SETD5: variants seen among roughly 807,000 people sequenced by gnomAD.
SETD5 encodes the protein histone-lysine N-methyltransferase SETD5.
SETD5 carries 44 observed loss-of-function variants against 153.3 expected under a neutral mutation model. That is an observed-to-expected ratio of 0.29 (90% CI 0.23 to 0.37). The LOEUF (loss-of-function observed/expected upper bound fraction) is 0.37, where lower values mean the gene tolerates loss of function less well. Among genes scored for constraint, SETD5 ranks in the 10% least tolerant of loss-of-function variants. SETD5 has a pLI of 1.00. For synonymous variants in SETD5, 716 were observed against 645.2 expected (o/e 1.11, Z -1.66); for missense variants, 1,544 against 1,768.0 (o/e 0.87, Z 2.27).
intron 3 of SETD5, chr3:9,430,420 T>G: frequency 3.6e-6 from 3 of 831,230 alleles, no homozygotes; most frequent in South Asian, 1.1e-4. Flanking sequence ...CTTCTAGAGC[T>G]TTTTTCTTCT....
chr3:9,445,976 T>TG (rs1323976768), intron 13 of SETD5, among the ~76,000 whole-genome samples: 6 of 147,202 alleles, frequency 4.1e-5, no homozygotes, highest in Admixed American at 2.7e-4. Flanking sequence ...TTTTTTTTTT[T>TG]TTTTTTTTTT....
intron 1 of SETD5, among the ~76,000 whole-genome samples, chr3:9,402,344 T>A (rs567740787): frequency 1.3e-5 from 2 of 152,328 alleles, no homozygotes; most frequent in South Asian, 4.1e-4. Context: ...CTGCTTTATA[T>A]GTGCCCTCAC....
intron 1 of SETD5, among the ~76,000 whole-genome samples, chr3:9,407,573 G>A (rs952853378): frequency 1.3e-5 from 2 of 152,086 alleles, no homozygotes; most frequent in East Asian, 1.9e-4. Context: ...GCCAGCCAAG[G>A]GAGATGAAAA....
intron 22 of SETD5, 106 bp from the exon 23 acceptor site, chr3:9,475,377 C>T: frequency 6.8e-7 from 1 of 1,464,626 alleles, no homozygotes; most frequent in Non-Finnish European, 9.1e-7. Flanking sequence ...AAAAAGAATA[C>T]ATGGTTAAAA....
intron 3 of SETD5, chr3:9,431,217 T>G: frequency 1.0e-6 from 1 of 985,448 alleles, no homozygotes; most frequent in Non-Finnish European, 1.2e-6. Flanking sequence ...CAAAGATTTT[T>G]CTGAATTTCC....
At chr3:9,399,012 C>T (rs897854715) in intron 1 of SETD5, among the ~76,000 whole-genome samples, 9 of 152,206 alleles carry the variant, frequency 5.9e-5, no homozygotes, top group African/African-American at 1.9e-4. Context: ...CTTTCCCAGA[C>T]CTCTGGGTTC....
At chr3:9,412,827 A>G (rs1479676910) in intron 1 of SETD5, among the ~76,000 whole-genome samples, 1 of 151,622 alleles carries the variant, frequency 6.6e-6, no homozygotes, top group Non-Finnish European at 1.5e-5. Context: ...AATAGATGAA[A>G]CAATCAACTT....
At chr3:9,402,458 C>T (rs1293870937) in intron 1 of SETD5, among the ~76,000 whole-genome samples, 2 of 152,096 alleles carry the variant, frequency 1.3e-5, no homozygotes, top group African/African-American at 2.4e-5. Flanking sequence ...TGTAAGGTCA[C>T]ATTAAGTATG....
chr3:9,460,927 C>T (rs1484928076), intron 17 of SETD5, among the ~76,000 whole-genome samples: 1 of 151,860 alleles, frequency 6.6e-6, no homozygotes, highest in Non-Finnish European at 1.5e-5. Context: ...GGTGGGTTAG[C>T]AAAGACATGA....
At chr3:9,465,572 C>G (rs1006775295) in intron 18 of SETD5, among the ~76,000 whole-genome samples, 1 of 152,162 alleles carries the variant, frequency 6.6e-6, no homozygotes, top group African/African-American at 2.4e-5. Flanking sequence ...AACATTTTAA[C>G]CAATCTTACG....
rs573843145 is a variant in SETD5, at chr3:9,413,912, G to A, written c.-176-10555G>A. ...CCTACCTCAGCCTCCCAAGTAGCTG[G>A]GACTGCAGGCGCGCGCCACCACGCC... On this transcript the variant is annotated intron_variant, in intron 1 of 22. Transcript: ENST00000402198. Among the ~76,000 whole-genome samples, 4 of 152,006 alleles carry A rather than the reference G, an allele frequency of 2.6e-5. No homozygotes were observed. The East Asian group carries it at 5.8e-4, about 22-fold the overall frequency.
Position 9,470,517 on chromosome 3 carries a change from A to C in SETD5, c.2783A>C (p.Asn928Thr). Reference sequence around the variant, plus strand: ...GTAGGATACCTTGACTCCAACACTAACAGCTGTGCTGATAGACCTTCCCTA... The same window carrying C: ...GTAGGATACCTTGACTCCAACACTACCAGCTGTGCTGATAGACCTTCCCTA... ...AKVGYLDSNT[N>T]SCADRPSLLN... Residue 928 changes from asparagine to threonine, a missense_variant, in exon 19 of 23, where the codon AAC becomes ACC. Asn to Thr is a moderately conservative substitution (Grantham distance 65). This residue lies in a region of SETD5 where 782 missense variants were observed against 787.2 expected (regional missense o/e 0.99). Transcript: ENST00000402198. The C allele has an allele frequency of 6.2e-7, 1 of 1,613,858 alleles. No homozygotes were observed. Among genetic ancestry groups the C allele is most frequent in the Non-Finnish European group, 8.5e-7 (1 of 1,179,850 alleles).
Position 9,448,645 on chromosome 3 carries a change from T to TTG in SETD5, c.2346+25_2346+26dup, listed in dbSNP as rs559066423. The TTG allele has an allele frequency of 5.8e-5, 90 of 1,542,786 alleles. No individual in the cohort carries two copies. In the African/African-American group the frequency reaches 1.1e-3, roughly 19 times the overall value. On this transcript the variant is annotated intron_variant, in intron 16 of 22. Transcript: ENST00000402198. ...CCTGTAAGAAGGTATGTCTGTGTTT[T>TTG]TGTGTGTGTGTTGTGTTTATGTGTG...
In SETD5 at chr3:9,448,595, C is replaced by T; in HGVS notation, c.2311C>T (p.Leu771Phe). The change falls in exon 16 of 23, where the codon CTT (leucine) becomes TTT (phenylalanine). Residue 771 changes from leucine to phenylalanine, a missense_variant. Leu to Phe is a conservative substitution (Grantham distance 22). Around this residue, in one of 9 missense-constraint regions of SETD5, gnomAD observed 782 missense variants for 787.2 expected, o/e 0.99. Coordinates refer to ENST00000402198, the MANE Select transcript of SETD5 (RefSeq NM_001080517.3). ...PFIPERRRRPLLPDGTFSSCK... is the reference protein window; with the variant it reads ...PFIPERRRRPFLPDGTFSSCK... The stretch of plus-strand genomic sequence containing the variant: ...TATCCCTGAGAGACGTCGAAGGCCC[C>T]TTCTGCCTGATGGCACATTCAGCTC... 2 of 1,605,926 alleles carry T rather than the reference C, an allele frequency of 1.2e-6. No homozygotes were observed. The highest frequency in any genetic ancestry group is 1.7e-6 in the Non-Finnish European group (2 of 1,174,566).
At chr3:9,455,083 T>C (rs1046541989) in intron 17 of SETD5, among the ~76,000 whole-genome samples, 7 of 152,042 alleles carry the variant, frequency 4.6e-5, no homozygotes, top group South Asian at 2.1e-4. Context: ...AATCAGAACT[T>C]TTCTTAAAGT....
intron 18 of SETD5, among the ~76,000 whole-genome samples, chr3:9,467,443 C>A (rs1232272051): frequency 1.3e-5 from 2 of 151,934 alleles, no homozygotes; most frequent in Admixed American, 1.3e-4. Flanking sequence ...GAATAACCCT[C>A]CCCTCCTATT....
intron 1 of SETD5, 44 bp downstream of exon 1, chr3:9,398,021 C>G (rs1393450075): frequency 6.6e-6 from 1 of 152,112 alleles, no homozygotes; most frequent in African/African-American, 2.4e-5. Context: ...CGATCGGGCC[C>G]CAGGGGAGGG....
At chr3:9,469,449 T>C (rs968803164) in intron 18 of SETD5, among the ~76,000 whole-genome samples, 5 of 152,166 alleles carry the variant, frequency 3.3e-5, no homozygotes, top group African/African-American at 9.7e-5. Context: ...CAATAAAAAA[T>C]TAGGGCATAA....
At position 9,434,660 on chromosome 3, in the gene SETD5, G is replaced by A. The variant is rs2040348234; in HGVS notation, c.330-164G>A. ...GAATTGCTGACAACAAGGAATGAGA[G>A]ATTGATGTTAAAGCTATTGAATTTG... On this transcript the variant is annotated intron_variant, in intron 5 of 22. Coordinates refer to ENST00000402198, the MANE Select transcript of SETD5 (RefSeq NM_001080517.3). This position sits in a 1 kb window ranked among gnomAD's most constrained non-coding sequence, Gnocchi z 5.6. 1.4e-6 allele frequency: 2 copies of A among 1,468,252 alleles called. No individual in the cohort carries two copies. Among genetic ancestry groups the A allele is most frequent in the African/African-American group, 2.8e-5 (2 of 70,408 alleles). The allele number at this position is 1,468,252 out of a possible 1,614,324, so 91.0% of individuals were successfully genotyped here. A position where few individuals can be genotyped will look rare whatever the true frequency, so the allele number is the denominator to read the frequency against.
Sources: gnomAD v4.1 joint callset for allele counts (sites outside exome capture counted in the v4.1 genomes callset) on GRCh38, gnomAD v4.1.1 for gene constraint, gnomAD v4.1.1 regional missense constraint, Gnocchi (gnomAD v3.1) non-coding constraint, MANE v1.5 for transcripts, NCBI Gene and HGNC (gene_info 2026-07-23, HGNC 2026-07-21) for gene names.